Variants in VPS13B observed in about 807,000 individuals in gnomAD.
VPS13B encodes intermembrane lipid transfer protein VPS13B.
VPS13B carries 285 observed loss-of-function variants against 426.4 expected under a neutral mutation model. That is an observed-to-expected ratio of 0.67 (90% CI 0.61 to 0.74). The LOEUF is 0.74. Ranked by LOEUF, VPS13B falls within the 30% of genes least tolerant of loss-of-function variation. VPS13B has a pLI of 0.00. For missense variants in VPS13B, 4,537 were observed against 4,782.6 expected (o/e 0.95, Z 1.51); for synonymous variants, 1,676 against 1,676.4 (o/e 1.00, Z 0.01).
At chr8:99,191,190 G>A (rs897188144) in intron 16 of VPS13B, among the ~76,000 whole-genome samples, 4 of 151,818 alleles carry the variant, frequency 2.6e-5, no homozygotes, top group East Asian at 1.9e-4. Flanking sequence ...TACATGTGAT[G>A]TGTTTTTCTC....
intron 19 of VPS13B, among the ~76,000 whole-genome samples, chr8:99,313,596 G>A (rs1298151222): frequency 6.6e-6 from 1 of 152,178 alleles, no homozygotes; most frequent in Non-Finnish European, 1.5e-5. Flanking sequence ...GTGCCTCCCA[G>A]TTAGGGTACT....
chr8:99,870,917 T>C (rs756842709), intron 60 of VPS13B, 30 bp downstream of exon 60: 1 of 1,602,336 alleles, frequency 6.2e-7, no homozygotes, highest in Non-Finnish European at 8.5e-7. Flanking sequence ...TGCTCAACTT[T>C]ACATCCATAT....
intron 21 of VPS13B, among the ~76,000 whole-genome samples, chr8:99,393,709 T>C (rs1043105654): frequency 6.6e-6 from 1 of 152,148 alleles, no homozygotes; most frequent in Non-Finnish European, 1.5e-5. Context: ...AGGCCTTGAG[T>C]ATAACATTTA....
At chr8:99,128,466 T>A (rs905139715) in intron 8 of VPS13B, among the ~76,000 whole-genome samples, 3 of 150,320 alleles carry the variant, frequency 2.0e-5, no homozygotes, top group Non-Finnish European at 4.4e-5. Context: ...GCCTGGTATG[T>A]TTTCTACAAA....
At chr8:99,854,913 C>T (rs897120698) in intron 56 of VPS13B, among the ~76,000 whole-genome samples, 1 of 152,126 alleles carries the variant, frequency 6.6e-6, no homozygotes, top group Non-Finnish European at 1.5e-5. Context: ...AAGGAATGGC[C>T]CATCCACTCT....
intron 17 of VPS13B, among the ~76,000 whole-genome samples, chr8:99,241,784 A>G (rs1405686293): frequency 6.6e-6 from 1 of 152,198 alleles, no homozygotes; most frequent in Admixed American, 6.5e-5. Flanking sequence ...CATCCCAAAC[A>G]AGAATAATGA....
chr8:99,564,424 A>G (rs1474041292), intron 31 of VPS13B, among the ~76,000 whole-genome samples: 1 of 152,200 alleles, frequency 6.6e-6, no homozygotes, highest in Non-Finnish European at 1.5e-5. Flanking sequence ...CAGCACATCC[A>G]ACTGGTGGAC....
chr8:99,666,096 C>T (rs1007867280), intron 35 of VPS13B, among the ~76,000 whole-genome samples: 2 of 152,132 alleles, frequency 1.3e-5, no homozygotes, highest in African/African-American at 4.8e-5. Context: ...AATGGGAGTT[C>T]ACTCATGATT....
chr8:99,106,677 G>C (rs543187249), intron 5 of VPS13B, among the ~76,000 whole-genome samples: 1 of 152,124 alleles, frequency 6.6e-6, no homozygotes, highest in African/African-American at 2.4e-5. Flanking sequence ...TTAAATTTTT[G>C]TATGAATGGA....
At chr8:99,788,377 C>A (rs1358416550) in intron 43 of VPS13B, among the ~76,000 whole-genome samples, 4 of 142,398 alleles carry the variant, frequency 2.8e-5, no homozygotes, top group African/African-American at 7.9e-5. Flanking sequence ...TAATGAGACC[C>A]CATCTTAAAA....
chr8:99,255,534 C>T (rs1817701634), intron 17 of VPS13B, among the ~76,000 whole-genome samples: 1 of 152,170 alleles, frequency 6.6e-6, no homozygotes, highest in Admixed American at 6.5e-5. Flanking sequence ...AATGCTCCAG[C>T]AGTGGAAGGG....
At chr8:99,283,739 A>T (rs1819282969) in intron 19 of VPS13B, among the ~76,000 whole-genome samples, 1 of 152,206 alleles carries the variant, frequency 6.6e-6, no homozygotes. Context: ...CAGAAAGGGG[A>T]GCAAATGTTA....
chr8:99,428,960 A>T (rs1253713194), intron 21 of VPS13B, among the ~76,000 whole-genome samples: 1 of 152,164 alleles, frequency 6.6e-6, no homozygotes, highest in Non-Finnish European at 1.5e-5. Context: ...ATAAAAAATG[A>T]TGAGTTCATG....
intron 23 of VPS13B, among the ~76,000 whole-genome samples, chr8:99,450,736 T>A (rs897402249): frequency 6.6e-6 from 1 of 152,080 alleles, no homozygotes; most frequent in African/African-American, 2.4e-5. Flanking sequence ...ATTTTTTTCT[T>A]TATCTTTTTT....
At chr8:99,355,513 C>T (rs1812135494) in intron 19 of VPS13B, among the ~76,000 whole-genome samples, 2 of 152,256 alleles carry the variant, frequency 1.3e-5, no homozygotes, top group East Asian at 1.9e-4. Context: ...ATCGCTTGAA[C>T]CTGGGAGGCG....
chr8:99,649,695 C>A (rs1829729317), intron 34 of VPS13B, among the ~76,000 whole-genome samples: 1 of 151,330 alleles, frequency 6.6e-6, no homozygotes, highest in Admixed American at 6.6e-5. Flanking sequence ...CAGGGCAAAG[C>A]CAGGAGAGAG....
At chr8:99,388,847 G>C (rs1041473316) in intron 20 of VPS13B, among the ~76,000 whole-genome samples, 1 of 152,164 alleles carries the variant, frequency 6.6e-6, no homozygotes, top group Non-Finnish European at 1.5e-5. Context: ...ATTCTTGCCT[G>C]TGTGAAAATA....
chr8:99,180,650 G>A (rs1267249700), intron 16 of VPS13B, among the ~76,000 whole-genome samples: 1 of 152,158 alleles, frequency 6.6e-6, no homozygotes, highest in Non-Finnish European at 1.5e-5. Context: ...AAGATTTTGG[G>A]AAATTGTGTT....
In VPS13B at chr8:99,574,212, G is replaced by A. The variant is rs191489204; in HGVS notation, c.4950-1446G>A. ...AAGGAAATTTTGGGCTGAGAGGATG[G>A]GGTTTTCTAAATATACAATCATGTC... On this transcript the variant is annotated intron_variant, in intron 31 of 61. Transcript: ENST00000357162. Among the ~76,000 whole-genome samples, 11 of 152,240 alleles carry A rather than the reference G, an allele frequency of 7.2e-5. No individual in the cohort carries two copies. In the East Asian group the frequency reaches 2.1e-3, roughly 29 times the overall value.
Sources: allele counts gnomAD v4.1 joint callset (sites outside exome capture counted in the v4.1 genomes callset), GRCh38; gene constraint gnomAD v4.1.1; transcripts MANE v1.5; gene names NCBI Gene and HGNC (gene_info 2026-07-23, HGNC 2026-07-21).